The following GTF3C1 variants were observed in gnomAD, a reference collection of about 807,000 sequenced individuals.
GTF3C1 encodes general transcription factor IIIC subunit 1.
GTF3C1 carries 57 observed loss-of-function variants against 226.7 expected under a neutral mutation model. The ratio of observed to expected loss-of-function variants is 0.25; its 90% CI spans 0.20 to 0.31. GTF3C1 has a LOEUF of 0.31. GTF3C1 is among the 10% of genes least tolerant of loss of function. The pLI is 1.00. For synonymous variants in GTF3C1, 1,090 were observed against 1,084.8 expected, an observed-to-expected ratio of 1.00 and a Z score of -0.09; for missense variants, 2,217 against 2,776.1, an observed-to-expected ratio of 0.80 and a Z score of 4.53.
At chr16:27,496,619 T>C (rs1189852420) in intron 14 of GTF3C1, among the ~76,000 whole-genome samples, 2 of 152,182 alleles carry the variant, frequency 1.3e-5, no homozygotes, top group African/African-American at 2.4e-5. Flanking sequence ...CTGGCCAGAA[T>C]GGTCTCGATC....
At chr16:27,521,077 T>C (rs2088741216) in intron 6 of GTF3C1, among the ~76,000 whole-genome samples, 1 of 152,214 alleles carries the variant, frequency 6.6e-6, no homozygotes, top group South Asian at 2.1e-4. Flanking sequence ...AACTGTGCAG[T>C]GCTAACAGCA....
chr16:27,493,771 T>G (rs2141381985), intron 16 of GTF3C1, among the ~76,000 whole-genome samples: 1 of 152,302 alleles, frequency 6.6e-6, no homozygotes, highest in Admixed American at 6.5e-5. Flanking sequence ...GGAATTTAAA[T>G]GTCCAAAAAT....
intron 28 of GTF3C1, 68 bp downstream of exon 28, chr16:27,478,401 G>C (rs1474293229): frequency 9.1e-7 from 1 of 1,094,642 alleles, no homozygotes; most frequent in African/African-American, 1.5e-5. Context: ...TTACCCCAGT[G>C]CAATAGGTTG....
intron 6 of GTF3C1, among the ~76,000 whole-genome samples, chr16:27,512,706 C>T (rs779906424): frequency 1.4e-4 from 22 of 152,028 alleles, no homozygotes; most frequent in Non-Finnish European, 2.5e-4. Context: ...ACGGCTATAA[C>T]GAGAGAAAGA....
intron 32 of GTF3C1, among the ~76,000 whole-genome samples, chr16:27,467,802 G>A (rs1212955285): frequency 6.6e-6 from 1 of 152,132 alleles, no homozygotes; most frequent in African/African-American, 2.4e-5. Context: ...CCTGGGAGGT[G>A]GAGGTTGCAG....
rs745730934 is a variant in GTF3C1 at position 27,461,550 on chromosome 16, G to A, written c.6130C>T (p.Leu2044Phe). Residue 2044 changes from leucine to phenylalanine, a missense_variant, in exon 37 of 37, where the codon CTC becomes TTC. Transcript: ENST00000356183. The surrounding 1 kb of genome is among the most constrained non-coding windows in gnomAD (Gnocchi z 5.3). ...AGCCAGCGCTTCCGGATGCAGCCGA[G>A]GGACTCCAGGCCCTGGAGACACCAG... is the stretch of plus-strand genomic sequence containing the variant. Reference protein sequence around the residue: ...VLELLQGLESLGCIRKRWLRK... With the variant: ...VLELLQGLESFGCIRKRWLRK... The A allele has an allele frequency of 6.2e-7, 1 of 1,613,056 alleles. No homozygotes were observed. Among genetic ancestry groups the A allele is most frequent in the African/African-American group, 1.3e-5 (1 of 75,016 alleles).
intron 2 of GTF3C1, among the ~76,000 whole-genome samples, chr16:27,544,184 T>TCAAGCTCAGGCTGC (rs2089131004): frequency 6.6e-6 from 1 of 151,566 alleles, no homozygotes; most frequent in Non-Finnish European, 1.5e-5. Flanking sequence ...AGCCCAGAAG[T>TCAAGCTCAGGCTGC]TTGAGACCAG....
At position 27,470,544 on chromosome 16, in the gene GTF3C1, GA is replaced by G; in HGVS notation, c.4527-150del. On this transcript the variant is annotated intron_variant, in intron 30 of 36. Coordinates refer to ENST00000356183, the MANE Select transcript of GTF3C1 (RefSeq NM_001520.4). The surrounding 1 kb of genome is among the most constrained non-coding windows in gnomAD (Gnocchi z 4.9). ...TAAAGCTCTCTGTCCCATCCCAGAT[GA>G]AGGTGCTGCATTCCCACCTAGCGGT... 1.5e-6 allele frequency: 1 copy of G among 659,052 alleles called. No homozygotes were observed. Among genetic ancestry groups the G allele is most frequent in the South Asian group, 1.8e-5 (1 of 54,086 alleles). 40.8% of individuals were successfully genotyped at this position (659,052 alleles called of 1,614,324 possible).
intron 5 of GTF3C1, among the ~76,000 whole-genome samples, chr16:27,530,295 A>G (rs1241860153): frequency 3.3e-5 from 5 of 152,190 alleles, no homozygotes; most frequent in Non-Finnish European, 7.3e-5. Context: ...CATGGCATTT[A>G]TCGTTAATCT....
Position 27,465,408 on chromosome 16 carries a change from G to A in GTF3C1, c.5207C>T (p.Pro1736Leu). Reference protein sequence around the residue: ...VLQLELSGYSPEDLTAALEIL... With the variant: ...VLQLELSGYSLEDLTAALEIL... ...CTCCAAGGCAGCAGTCAGGTCTTCG[G>A]GACTATACCCAGACAGCTCCAGCTG... The change falls in exon 33 of 37, where the codon CCC becomes CTC. Residue 1736 changes from proline (P) to leucine (L), a missense_variant. This residue lies in a region of GTF3C1 where 455 missense variants were observed against 441.9 expected (regional missense o/e 1.03). Coordinates refer to ENST00000356183, the MANE Select transcript of GTF3C1 (RefSeq NM_001520.4). 6.2e-7 allele frequency: 1 copy of A among 1,614,026 alleles called. No homozygotes were observed. Among genetic ancestry groups the A allele is most frequent in the South Asian group, 1.1e-5 (1 of 91,078 alleles).
At chr16:27,490,813 C>T (rs181219071) in intron 19 of GTF3C1, among the ~76,000 whole-genome samples, 25 of 152,272 alleles carry the variant, frequency 1.6e-4, no homozygotes, top group Admixed American at 9.2e-4. Flanking sequence ...CATTATATGA[C>T]GCTTTTCCCC....
At chr16:27,499,181 C>T (rs767675490) in intron 12 of GTF3C1, among the ~76,000 whole-genome samples, 9 of 152,236 alleles carry the variant, frequency 5.9e-5, no homozygotes, top group African/African-American at 1.4e-4. Context: ...CTGAGAGTGG[C>T]GTCATGGGAC....
rs541313144 is a variant in GTF3C1, at chr16:27,471,405, G to A, written c.4526+343C>T. On this transcript the variant is annotated intron_variant, in intron 30 of 36. Coordinates refer to ENST00000356183, the MANE Select transcript of GTF3C1 (RefSeq NM_001520.4). This position sits in a 1 kb window ranked among gnomAD's most constrained non-coding sequence, Gnocchi z 5.0. ...GAGGCTTCCCAGGTCTCAGGGCTAC[G>A]CGGAAGAGGGACTGAGGCTATGCTG... Among the ~76,000 whole-genome samples, 4 of 152,360 alleles carry A rather than the reference G, an allele frequency of 2.6e-5. No homozygotes were observed. In the East Asian group the frequency reaches 5.8e-4, roughly 22 times the overall value.
intron 7 of GTF3C1, 53 bp from the exon 8 acceptor site, chr16:27,508,708 A>C: frequency 7.5e-7 from 1 of 1,337,088 alleles, no homozygotes; most frequent in Non-Finnish European, 1.1e-6. Flanking sequence ...GCTGTTCTGC[A>C]CAAGTCAGTT....
chr16:27,523,352 A>T (rs1285695042), intron 6 of GTF3C1, among the ~76,000 whole-genome samples: 1 of 152,200 alleles, frequency 6.6e-6, no homozygotes, highest in East Asian at 1.9e-4. Flanking sequence ...AAATAAGCCT[A>T]AATCCAAATT....
At chr16:27,472,879 T>G (rs940764496) in intron 29 of GTF3C1, among the ~76,000 whole-genome samples, 20 of 152,364 alleles carry the variant, frequency 1.3e-4, no homozygotes, top group Middle Eastern at 3.4e-3. Flanking sequence ...CAATCTCATT[T>G]GCTTACTCAT....
chr16:27,482,555 GC>G, intron 26 of GTF3C1: 1 of 456,070 alleles, frequency 2.2e-6, no homozygotes. Context: ...TTGTCCACTG[GC>G]CTCACTTGGC....
Position 27,528,720 on chromosome 16 carries a change from C to G in GTF3C1, c.851G>C (p.Gly284Ala). 1 of 1,613,702 alleles carries G rather than the reference C, an allele frequency of 6.2e-7. No homozygotes were observed. ...ACGCTTAAACGTCCTTTCGCACAGC[C>G]CCTGCCAAAACACAATTTAAAGGCT... is the stretch of plus-strand genomic sequence containing the variant. ...ETLGKLREEL[G>A]LCERTFKRLY... Residue 284 changes from glycine (G) to alanine (A), a missense_variant and splice_region_variant, in exon 6 of 37, where the codon GGG (glycine) becomes GCG (alanine). Physicochemically the swap from Gly to Ala is moderately conservative, Grantham distance 60. Coordinates refer to ENST00000356183, the MANE Select transcript of GTF3C1 (RefSeq NM_001520.4).
chr16:27,493,678 G>C (rs1163318875), intron 16 of GTF3C1, among the ~76,000 whole-genome samples: 2 of 152,212 alleles, frequency 1.3e-5, no homozygotes, highest in East Asian at 3.8e-4. Context: ...AGGAAAAAAT[G>C]CTGGAGCCGC....
Sources: gnomAD v4.1 joint callset for allele counts (sites outside exome capture counted in the v4.1 genomes callset) on GRCh38, gnomAD v4.1.1 for gene constraint, gnomAD v4.1.1 regional missense constraint, Gnocchi (gnomAD v3.1) non-coding constraint, MANE v1.5 for transcripts, NCBI Gene and HGNC (gene_info 2026-07-23, HGNC 2026-07-21) for gene names.